COL22A1: variants seen among roughly 807,000 people sequenced by gnomAD.
The protein encoded by COL22A1 is collagen alpha-1(XXII) chain.
COL22A1 carries 221 observed loss-of-function variants against 248.9 expected under a neutral mutation model. The ratio of observed to expected loss-of-function variants is 0.89; its 90% CI spans 0.80 to 0.99. The LOEUF (loss-of-function observed/expected upper bound fraction) is 0.99, where lower values mean the gene tolerates loss of function less well. Ranked by LOEUF, COL22A1 falls within the 50% of genes least tolerant of loss-of-function variation. COL22A1 has a pLI of 0.00. For missense variants in COL22A1, 2,240 were observed against 2,179.0 expected (o/e 1.03, Z -0.56); for synonymous variants, 891 against 793.4 (o/e 1.12, Z -2.07).
intron 4 of COL22A1, among the ~76,000 whole-genome samples, chr8:138,837,428 C>G: frequency 6.6e-6 from 1 of 152,208 alleles, no homozygotes; most frequent in East Asian, 1.9e-4. Context: ...CCTCATCTCT[C>G]CCCTGCACTG....
intron 22 of COL22A1, among the ~76,000 whole-genome samples, chr8:138,745,997 G>A (rs753953294): frequency 6.6e-6 from 1 of 152,234 alleles, no homozygotes; most frequent in Non-Finnish European, 1.5e-5. Flanking sequence ...CCCTCCAGCA[G>A]GCAAGCAGGC....
intron 64 of COL22A1, 127 bp downstream of exon 64, chr8:138,591,294 TCTC>T (rs1817018441): frequency 2.2e-6 from 1 of 462,712 alleles, no homozygotes; most frequent in Non-Finnish European, 3.8e-6. Context: ...GTGATCTCTG[TCTC>T]CTCCTCATCT....
chr8:138,802,112 A>G (rs1817045943), intron 11 of COL22A1, among the ~76,000 whole-genome samples: 1 of 152,136 alleles, frequency 6.6e-6, no homozygotes, highest in Non-Finnish European at 1.5e-5. Context: ...ATGCTACTGA[A>G]TACGTTATTT....
chr8:138,721,541 A>G (rs996942808), intron 26 of COL22A1, among the ~76,000 whole-genome samples: 1 of 152,374 alleles, frequency 6.6e-6, no homozygotes, highest in Middle Eastern at 3.4e-3. Flanking sequence ...AAGAGTATTT[A>G]GAAGTTTTCC....
At chr8:138,698,720 A>G (rs2130960188) in intron 32 of COL22A1, among the ~76,000 whole-genome samples, 1 of 151,558 alleles carries the variant, frequency 6.6e-6, no homozygotes, top group South Asian at 2.1e-4. Flanking sequence ...TCATGCAGTG[A>G]GTACCTGCCA....
intron 31 of COL22A1, among the ~76,000 whole-genome samples, chr8:138,702,938 A>G (rs1255557917): frequency 1.3e-5 from 2 of 152,086 alleles, no homozygotes; most frequent in African/African-American, 4.8e-5. Context: ...TGCCCACCCT[A>G]ACACGTATAG....
intron 31 of COL22A1, among the ~76,000 whole-genome samples, chr8:138,702,513 T>C (rs900552257): frequency 1.3e-5 from 2 of 151,914 alleles, no homozygotes; most frequent in African/African-American, 4.8e-5. Context: ...TCCTGATACA[T>C]GTTTAGGGTC....
At chr8:138,680,612 C>T (rs1420636931) in intron 39 of COL22A1, among the ~76,000 whole-genome samples, 2 of 152,164 alleles carry the variant, frequency 1.3e-5, no homozygotes, top group Non-Finnish European at 2.9e-5. Context: ...TCCTTAATTT[C>T]AATCAGCACC....
intron 1 of COL22A1, among the ~76,000 whole-genome samples, chr8:138,893,259 G>A (rs1416539999): frequency 6.6e-6 from 1 of 152,158 alleles, no homozygotes; most frequent in Non-Finnish European, 1.5e-5. Context: ...ACTACTCTTG[G>A]GGCAGCTAGC....
chr8:138,639,586 A>T (rs2130417306), intron 47 of COL22A1, among the ~76,000 whole-genome samples: 1 of 152,332 alleles, frequency 6.6e-6, no homozygotes, highest in African/African-American at 2.4e-5. Context: ...AAGGAAAGAA[A>T]CTTCGCCCCA....
chr8:138,902,737 T>TA (rs777413704), intron 1 of COL22A1, among the ~76,000 whole-genome samples: 16,221 of 106,376 alleles, frequency 0.15, 1,390 homozygotes, highest in African/African-American at 0.19. Flanking sequence ...TATATATATA[T>TA]ATACACACAC....
chr8:138,883,235 G>A lies in COL22A1; in HGVS notation c.-63C>T. 2.0e-6 allele frequency: 3 copies of A among 1,464,980 alleles called. No homozygotes were observed. The highest frequency in any genetic ancestry group is 2.4e-5 in the South Asian group (2 of 81,988). The allele number at this position is 1,464,980 out of a possible 1,614,324, so 90.7% of individuals were successfully genotyped here. ...GGAAGAGACGCTGTTAGGGTCTACA[G>A]CAGCATGGCCTGTGTGGAGAAAGAC... is the stretch of plus-strand genomic sequence containing the variant. On this transcript the variant is annotated 5_prime_UTR_variant, in exon 2 of 65. Transcript: ENST00000303045.
Position 138,596,925 on chromosome 8 carries a change from C to A in COL22A1, c.4411G>T (p.Glu1471Ter). 1 of 1,614,104 alleles carries A rather than the reference C, an allele frequency of 6.2e-7. No homozygotes were observed. ...TCACTTTCAAGCTGCTTCCCCAGCTCTTCTTGAATAAGCCGACGCAGGGTT... is the reference window on the plus strand; with the variant it reads ...TCACTTTCAAGCTGCTTCCCCAGCTATTCTTGAATAAGCCGACGCAGGGTT... ...METLRRLIQEELGKQLETRLA... is the reference protein window; with the variant it reads ...METLRRLIQE The change falls in exon 62 of 65, where the codon GAG (glutamate) becomes TAG (stop). Residue 1471 changes from glutamate to a stop codon, truncating the protein, a stop_gained. Coordinates refer to ENST00000303045, the MANE Select transcript of COL22A1 (RefSeq NM_152888.3). LOFTEE classifies it high-confidence loss of function.
At chr8:138,655,001 C>A (rs1405482864) in intron 45 of COL22A1, among the ~76,000 whole-genome samples, 1 of 152,210 alleles carries the variant, frequency 6.6e-6, no homozygotes, top group Admixed American at 6.5e-5. Context: ...TTTGACTCTG[C>A]CGCTGGCCCT....
At chr8:138,662,431 C>A (rs946047483) in intron 42 of COL22A1, among the ~76,000 whole-genome samples, 1 of 152,132 alleles carries the variant, frequency 6.6e-6, no homozygotes, top group Non-Finnish European at 1.5e-5. Flanking sequence ...CTATGGATAA[C>A]CAGCCCCGAG....
intron 59 of COL22A1, 26 bp from the exon 60 acceptor site, chr8:138,602,185 A>G: frequency 1.2e-6 from 2 of 1,613,618 alleles, no homozygotes; most frequent in South Asian, 1.1e-5. Context: ...AAGGACAGTC[A>G]TTGCCCCGGG....
rs1823780316 is a variant in COL22A1 at position 138,660,833 on chromosome 8, CACACAGACACACACACACATACACAG to C, written c.3241-379_3241-354del. 4.2e-5 allele frequency among the ~76,000 whole-genome samples: 6 copies of C among 144,432 alleles called. No homozygotes were observed. In the South Asian group the frequency reaches 9.1e-4, roughly 22 times the overall value. 94.8% of individuals were successfully genotyped at this position (144,432 alleles called of 152,430 possible). On this transcript the variant is annotated intron_variant, in intron 43 of 64. Transcript: ENST00000303045. ...ACATACACACATACACACACATACA[CACACAGACACACACACACATACACAG>C]ACACACAAACACACAGACACACACA...
chr8:138,845,516 A>AAAATAAAT (rs10633143), intron 3 of COL22A1, among the ~76,000 whole-genome samples: 13,608 of 147,480 alleles, frequency 0.092, 780 homozygotes, highest in African/African-American at 0.16. Context: ...CTCCACCTCA[A>AAAATAAAT]AAATAAATAA....
intron 39 of COL22A1, among the ~76,000 whole-genome samples, chr8:138,679,940 GC>G (rs985379181): frequency 6.6e-6 from 1 of 152,130 alleles, no homozygotes; most frequent in Non-Finnish European, 1.5e-5. Flanking sequence ...TGACAGAAAG[GC>G]CTCTCCCAGC....
Sources: allele counts gnomAD v4.1 joint callset (sites outside exome capture counted in the v4.1 genomes callset), GRCh38; gene constraint gnomAD v4.1.1; transcripts MANE v1.5; gene names NCBI Gene and HGNC (gene_info 2026-07-23, HGNC 2026-07-21).